The following ZNF444 variants were observed in gnomAD, a reference collection of about 807,000 sequenced individuals.
ZNF444 encodes the protein endothelial zinc finger protein 2.
In ZNF444, 8 loss-of-function variants were observed where a neutral mutation model predicts 14.4. The observed-to-expected ratio is 0.56, with a 90% CI of 0.33 to 1.00. The LOEUF is 1.00. Ranked by LOEUF, ZNF444 falls within the 50% of genes least tolerant of loss-of-function variation. The pLI is 0.03. For synonymous variants in ZNF444, 258 were observed against 235.9 expected, an observed-to-expected ratio of 1.09 and a Z score of -0.86; for missense variants, 510 against 504.8, an observed-to-expected ratio of 1.01 and a Z score of -0.10.
chr19:56,148,292 G>A (rs867765292), intron 3 of ZNF444, among the ~76,000 whole-genome samples: 10 of 152,110 alleles, frequency 6.6e-5, no homozygotes, highest in African/African-American at 9.7e-5. Context: ...GAGCCACCTC[G>A]AGCGGCACAG....
chr19:56,158,521 T>C lies in ZNF444; in HGVS notation c.325T>C (p.Ser109Pro), dbSNP rs2032047034. Residue 109 changes from serine (S) to proline (P), a missense_variant, in exon 4 of 5, where the codon TCA becomes CCA. Physicochemically the swap from Ser to Pro is moderately conservative, Grantham distance 74. Transcript: ENST00000337080. ...WGPAASPDGSSATRVPQDVTQ... is the reference protein window; with the variant it reads ...WGPAASPDGSPATRVPQDVTQ... ...GCCAGCAGCCTCCCCCGATGGGTCG[T>C]CAGCAACGAGGGTGCCTCAGGATGT... 6.2e-7 allele frequency: 1 copy of C among 1,611,242 alleles called. No individual in the cohort carries two copies. Among genetic ancestry groups the C allele is most frequent in the Non-Finnish European group, 8.5e-7 (1 of 1,178,724 alleles).
chr19:56,152,479 TTTTG>T (rs1200922298), intron 3 of ZNF444, among the ~76,000 whole-genome samples: 1 of 135,874 alleles, frequency 7.4e-6, no homozygotes, highest in East Asian at 2.9e-4. Flanking sequence ...GATTCCAGGG[TTTTG>T]TTTTTTTTTT....
upstream of ZNF444, among the ~76,000 whole-genome samples, chr19:56,136,780 A>AT (rs1555779598): frequency 6.6e-6 from 1 of 151,898 alleles, no homozygotes; most frequent in Non-Finnish European, 1.5e-5. Flanking sequence ...GAGAATCTGC[A>AT]TTTCTTTTTT....
rs948555568 is a variant in ZNF444 at position 56,159,907 on chromosome 19, C to T, written c.690C>T (p.Pro230=). 15 of 1,375,668 alleles carry T rather than the reference C, an allele frequency of 1.1e-5. No homozygotes were observed. The African/African-American group carries it at 1.5e-4, about 14-fold the overall frequency. The allele number at this position is 1,375,668 out of a possible 1,614,324, so 85.2% of individuals were successfully genotyped here. The change falls in exon 5 of 5, where the codon CCC becomes CCT. Residue 230 remains proline, a synonymous_variant. Coordinates refer to ENST00000337080, the MANE Select transcript of ZNF444 (RefSeq NM_018337.4). ...TGCGGCGCCACCGCGACACGCACCC[C>T]GGCAGCCCCGGCAGCCCCGGGCCCG... The part of the protein sequence containing the change: ...EHLRRHRDTH[P]GSPGSPGPAL...
rs975684180 is a variant in ZNF444, at chr19:56,145,933, G to A, written c.-196-314G>A. On this transcript the variant is annotated intron_variant, in intron 1 of 4. Coordinates refer to ENST00000337080, the MANE Select transcript of ZNF444 (RefSeq NM_018337.4). This position sits in a 1 kb window ranked among gnomAD's most constrained non-coding sequence, Gnocchi z 4.3. ...TGCTGGCAGAGATGGACAGAGTCCCGGTGTCCCTTTCTCTTATAAGGCCAC... is the reference window on the plus strand; with the variant it reads ...TGCTGGCAGAGATGGACAGAGTCCCAGTGTCCCTTTCTCTTATAAGGCCAC... Among the ~76,000 whole-genome samples the A allele has an allele frequency of 6.6e-6, 1 of 152,196 alleles. No individual in the cohort carries two copies. The highest frequency in any genetic ancestry group is 2.4e-5 in the African/African-American group (1 of 41,454).
chr19:56,158,516 G>C lies in ZNF444; in HGVS notation c.320G>C (p.Gly107Ala), dbSNP rs1413785865. The C allele has an allele frequency of 1.2e-6, 2 of 1,611,100 alleles. No individual in the cohort carries two copies. Among genetic ancestry groups the C allele is most frequent in the East Asian group, 2.2e-5 (1 of 44,554 alleles). The change falls in exon 4 of 5, where the codon GGG becomes GCG. Residue 107 changes from glycine (G) to alanine (A), a missense_variant. Coordinates refer to ENST00000337080, the MANE Select transcript of ZNF444 (RefSeq NM_018337.4). ...ELWGPAASPDGSSATRVPQDV... is the reference protein window; with the variant it reads ...ELWGPAASPDASSATRVPQDV... The stretch of plus-strand genomic sequence containing the variant: ...CAGGGGCCAGCAGCCTCCCCCGATG[G>C]GTCGTCAGCAACGAGGGTGCCTCAG...
intron 4 of ZNF444, 71 bp from the exon 5 acceptor site, chr19:56,159,553 C>A (rs1335389444): frequency 7.5e-7 from 1 of 1,330,948 alleles, no homozygotes; most frequent in Non-Finnish European, 9.8e-7. Flanking sequence ...CTCCCTGCCT[C>A]CACCCCAGCC....
Position 56,159,872 on chromosome 19 carries a change from A to C in ZNF444, c.655A>C (p.Lys219Gln). The C allele has an allele frequency of 6.5e-7, 1 of 1,534,948 alleles. No individual in the cohort carries two copies. Among genetic ancestry groups the C allele is most frequent in the Non-Finnish European group, 8.7e-7 (1 of 1,146,574 alleles). The change falls in exon 5 of 5, where the codon AAG becomes CAG. Residue 219 changes from lysine (K) to glutamine (Q), a missense_variant. Coordinates refer to ENST00000337080, the MANE Select transcript of ZNF444 (RefSeq NM_018337.4). ...TGAGTGCGGGAAGGCCTTTCGGCGC[A>C]AGGAGCACCTGCGGCGCCACCGCGA... ...CPECGKAFRRKEHLRRHRDTH... is the reference protein window; with the variant it reads ...CPECGKAFRRQEHLRRHRDTH...
upstream of ZNF444, among the ~76,000 whole-genome samples, chr19:56,137,671 T>G (rs898113709): frequency 6.6e-6 from 1 of 152,176 alleles, no homozygotes; most frequent in African/African-American, 2.4e-5. Context: ...GCAGTGCTTC[T>G]GAGGGCCATG....
upstream of ZNF444, among the ~76,000 whole-genome samples, chr19:56,137,563 C>A (rs1317404174): frequency 1.3e-5 from 2 of 152,158 alleles, no homozygotes; most frequent in Non-Finnish European, 2.9e-5. Context: ...CCTGTGTGAA[C>A]CCTGTATATG....
At chr19:56,146,684 G>A (rs2031203718) in intron 2 of ZNF444, among the ~76,000 whole-genome samples, 2 of 152,160 alleles carry the variant, frequency 1.3e-5, no homozygotes, top group South Asian at 4.1e-4. Context: ...CGCTACTCAG[G>A]AAGCCAAGGC....
chr19:56,134,215 A>G (rs1242188218), intron 1 of ZNF444, among the ~76,000 whole-genome samples: 2 of 152,210 alleles, frequency 1.3e-5, no homozygotes, highest in Admixed American at 6.5e-5. Context: ...AGCACCATAC[A>G]AAGAGAAAAA....
chr19:56,137,263 G>A (rs1475123412), upstream of ZNF444, among the ~76,000 whole-genome samples: 2 of 151,104 alleles, frequency 1.3e-5, no homozygotes, highest in East Asian at 4.0e-4. Flanking sequence ...CTGAGGTCAG[G>A]AGTTTGAGAC....
At position 56,147,191 on chromosome 19, in the gene ZNF444, C is replaced by A; in HGVS notation, c.280C>A (p.Leu94Met). The change falls in exon 3 of 5, where the codon CTG becomes ATG. Residue 94 changes from leucine (L) to methionine (M), a missense_variant. Transcript: ENST00000337080. The surrounding 1 kb of genome is among the most constrained non-coding windows in gnomAD (Gnocchi z 5.9). ...GCAGAGCGGGGAGGAGGCGGTGGCC[C>A]TGCTGGAGGAGCTCTGGGTGAGCCT... Reference protein sequence around the residue: ...QPQSGEEAVALLEELWGPAAS... With the variant: ...QPQSGEEAVAMLEELWGPAAS... 1 of 1,455,162 alleles carries A rather than the reference C, an allele frequency of 6.9e-7. No homozygotes were observed. The highest frequency in any genetic ancestry group is 9.0e-7 in the Non-Finnish European group (1 of 1,108,980). 90.1% of individuals were successfully genotyped at this position (1,455,162 alleles called of 1,614,324 possible).
At position 56,159,956 on chromosome 19, in the gene ZNF444, G is replaced by A. The variant is rs1433551177; in HGVS notation, c.739G>A (p.Glu247Lys). 7 of 1,505,660 alleles carry A rather than the reference G, an allele frequency of 4.6e-6. No individual in the cohort carries two copies. The highest frequency in any genetic ancestry group is 1.4e-5 in the African/African-American group (1 of 68,978). 93.3% of individuals were successfully genotyped at this position (1,505,660 alleles called of 1,614,324 possible). A position where few individuals can be genotyped will look rare whatever the true frequency, so the allele number is the denominator to read the frequency against. The change falls in exon 5 of 5, where the codon GAG (glutamate) becomes AAG (lysine). Residue 247 changes from glutamate to lysine, a missense_variant. By Grantham distance (56) the Glu-to-Lys change is moderately conservative. Coordinates refer to ENST00000337080, the MANE Select transcript of ZNF444 (RefSeq NM_018337.4). ...CGCGCTGCGCCCTCTGCCCGCCCGT[G>A]AGAAGCCCCACGCGTGCTGCGAGTG... Reference protein sequence around the residue: ...GPALRPLPAREKPHACCECGK... With the variant: ...GPALRPLPARKKPHACCECGK...
At chr19:56,134,322 C>T (rs79992699) in intron 1 of ZNF444, among the ~76,000 whole-genome samples, 1 of 152,066 alleles carries the variant, frequency 6.6e-6, no homozygotes, top group Admixed American at 6.5e-5. Context: ...GGAATTCTCG[C>T]CCTCAGGCCT....
At chr19:56,154,054 C>T (rs930025590) in intron 3 of ZNF444, among the ~76,000 whole-genome samples, 2 of 152,160 alleles carry the variant, frequency 1.3e-5, no homozygotes, top group Non-Finnish European at 1.5e-5. Flanking sequence ...GGGGATGGAG[C>T]GGATTTGACA....
At chr19:56,158,706 A>T in intron 4 of ZNF444, 104 bp downstream of exon 4, 1 of 1,071,212 alleles carries the variant, frequency 9.3e-7, no homozygotes, top group Non-Finnish European at 1.3e-6. Context: ...ACAGACTTGG[A>T]CCCCAGCCCT....
intron 3 of ZNF444, chr19:56,150,297 TA>T (rs947140026): frequency 2.5e-4 from 60 of 240,058 alleles, no homozygotes; most frequent in Non-Finnish European, 3.9e-4. Context: ...TCTTGCAAAA[TA>T]AAAAAAAATC....
Sources: gnomAD v4.1 joint callset for allele counts (sites outside exome capture counted in the v4.1 genomes callset) on GRCh38, gnomAD v4.1.1 for gene constraint, Gnocchi (gnomAD v3.1) non-coding constraint, MANE v1.5 for transcripts, NCBI Gene and HGNC (gene_info 2026-07-23, HGNC 2026-07-21) for gene names.